The following KCNH5 variants were observed in gnomAD, a reference collection of about 807,000 sequenced individuals.
KCNH5 encodes voltage-gated delayed rectifier potassium channel KCNH5.
Under a neutral mutation model 96.1 loss-of-function variants are expected in KCNH5, and 46 were observed. The observed-to-expected ratio is 0.48, with a 90% CI of 0.38 to 0.61. The LOEUF (loss-of-function observed/expected upper bound fraction) is 0.61. Among genes scored for constraint, KCNH5 ranks in the 20% least tolerant of loss-of-function variants. KCNH5 has a pLI of 0.00. For synonymous variants in KCNH5, 439 were observed against 449.8 expected, an observed-to-expected ratio of 0.98 and a Z score of 0.30; for missense variants, 907 against 1,225.8, an observed-to-expected ratio of 0.74 and a Z score of 3.88.
intron 10 of KCNH5, among the ~76,000 whole-genome samples, chr14:62,723,855 T>A (rs949689167): frequency 6.6e-6 from 1 of 152,214 alleles, no homozygotes; most frequent in African/African-American, 2.4e-5. Context: ...AATGAGCATG[T>A]GTTCACCCAG....
chr14:62,780,368 C>T (rs1886184465), intron 9 of KCNH5, among the ~76,000 whole-genome samples: 2 of 152,106 alleles, frequency 1.3e-5, no homozygotes, highest in Admixed American at 1.3e-4. Context: ...ATTAAATACA[C>T]ATTATTCAGT....
At chr14:62,866,490 T>C (rs555238335) in intron 7 of KCNH5, among the ~76,000 whole-genome samples, 2 of 152,320 alleles carry the variant, frequency 1.3e-5, no homozygotes, top group Admixed American at 6.5e-5. Flanking sequence ...ATGTATGGAA[T>C]AAAGCCATAT....
At chr14:63,039,782 C>T (rs991660078) in intron 1 of KCNH5, among the ~76,000 whole-genome samples, 1 of 152,006 alleles carries the variant, frequency 6.6e-6, no homozygotes, top group Non-Finnish European at 1.5e-5. Flanking sequence ...ATAATACATA[C>T]CTTTTTTCAT....
chr14:63,016,182 A>G (rs1891323352), intron 2 of KCNH5, among the ~76,000 whole-genome samples: 1 of 151,890 alleles, frequency 6.6e-6, no homozygotes, highest in African/African-American at 2.4e-5. Context: ...TTACTGAAAT[A>G]TTGTGAAAAG....
At chr14:62,994,100 C>T (rs972190735) in intron 4 of KCNH5, among the ~76,000 whole-genome samples, 2 of 152,002 alleles carry the variant, frequency 1.3e-5, no homozygotes, top group Non-Finnish European at 2.9e-5. Context: ...GACTGCAACA[C>T]AAGATTCTAA....
chr14:62,955,743 C>T (rs779736909), intron 6 of KCNH5, among the ~76,000 whole-genome samples: 18 of 152,176 alleles, frequency 1.2e-4, no homozygotes, highest in Admixed American at 2.0e-4. Flanking sequence ...GCAATGGCCA[C>T]GCAGTAGGGG....
In KCNH5 at chr14:62,708,063, C is replaced by G. The variant is rs1329006014; in HGVS notation, c.2412G>C (p.Lys804Asn). ...CLKVNSPIRM[K>N]NGNGKGWLRL... ...GCAGCCACCCTTTTCCATTTCCATTCTTCATTCTTATTGGGCTGTTGACTT... is the reference window on the plus strand; with the variant it reads ...GCAGCCACCCTTTTCCATTTCCATTGTTCATTCTTATTGGGCTGTTGACTT... The change falls in exon 11 of 11, where the codon AAG becomes AAC. Residue 804 changes from lysine to asparagine, a missense_variant. By Grantham distance (94) the Lys-to-Asn change is moderately conservative. Coordinates refer to ENST00000322893, the MANE Select transcript of KCNH5 (RefSeq NM_139318.5). The G allele has an allele frequency of 6.2e-7, 1 of 1,614,192 alleles. No homozygotes were observed. The highest frequency in any genetic ancestry group is 2.2e-5 in the East Asian group (1 of 44,884).
chr14:63,003,533 AT>A (rs60104277), intron 3 of KCNH5, among the ~76,000 whole-genome samples: 1 of 112,328 alleles, frequency 8.9e-6, no homozygotes, highest in African/African-American at 3.6e-5. Flanking sequence ...TTTTATATAT[AT>A]TATATATTAT....
intron 7 of KCNH5, among the ~76,000 whole-genome samples, chr14:62,946,654 C>T (rs892370654): frequency 6.6e-6 from 1 of 151,826 alleles, no homozygotes; most frequent in Non-Finnish European, 1.5e-5. Context: ...TTGTAATAGC[C>T]AAAATCTGGA....
rs185853773 is a variant in KCNH5, at chr14:62,700,235, A to G, written c.*7273T>C. On this transcript the variant is annotated 3_prime_UTR_variant, in exon 11 of 11. Transcript: ENST00000322893. ...TGTTGTTTGAGTACCAAGCACTTCT[A>G]AAAGTCATTGCTCTTTCAACAAACT... is the stretch of plus-strand genomic sequence containing the variant. 6.6e-6 allele frequency: 1 copy of G among 152,332 alleles called. No individual in the cohort carries two copies. Among genetic ancestry groups the G allele is most frequent in the Non-Finnish European group, 1.5e-5 (1 of 68,034 alleles). The allele number at this position is 152,332 out of a possible 1,614,324, so 9.4% of individuals were successfully genotyped here.
intron 6 of KCNH5, 109 bp downstream of exon 6, chr14:62,980,763 T>A: frequency 8.5e-7 from 1 of 1,177,200 alleles, no homozygotes; most frequent in Admixed American, 2.6e-5. Flanking sequence ...TCAAGAAAGT[T>A]GAAAGTGGTG....
chr14:62,752,914 C>A (rs891021221), intron 10 of KCNH5, among the ~76,000 whole-genome samples: 2 of 152,182 alleles, frequency 1.3e-5, no homozygotes, highest in African/African-American at 4.8e-5. Context: ...AAATAAACCT[C>A]TTTTGTTTAT....
intron 6 of KCNH5, among the ~76,000 whole-genome samples, chr14:62,953,765 G>A (rs925173552): frequency 6.6e-6 from 1 of 152,018 alleles, no homozygotes; most frequent in African/African-American, 2.4e-5. Flanking sequence ...AGACATGTTT[G>A]GTCATGATTT....
At chr14:62,846,695 G>A (rs1026728098) in intron 8 of KCNH5, among the ~76,000 whole-genome samples, 1 of 149,220 alleles carries the variant, frequency 6.7e-6, no homozygotes, top group African/African-American at 2.5e-5. Flanking sequence ...ATCTAGTTCT[G>A]AGATATCTAT....
intron 10 of KCNH5, among the ~76,000 whole-genome samples, chr14:62,709,021 G>A (rs1273820340): frequency 1.3e-5 from 2 of 151,618 alleles, no homozygotes; most frequent in Non-Finnish European, 2.9e-5. Context: ...CGAGGCGGGC[G>A]GACCACGAGG....
Position 62,884,507 on chromosome 14 carries a change from T to G in KCNH5, c.1370-34655A>C, listed in dbSNP as rs115515419. 2.6e-3 allele frequency among the ~76,000 whole-genome samples: 403 copies of G among 152,216 alleles called. 3 individuals carry two copies. Among genetic ancestry groups the G allele is most frequent in the African/African-American group, 9.5e-3 (394 of 41,532 alleles). On this transcript the variant is annotated intron_variant, in intron 7 of 10. Coordinates refer to ENST00000322893, the MANE Select transcript of KCNH5 (RefSeq NM_139318.5). ...CAGGTGTGGCAGTATGCGCCTGTCA[T>G]CTCAGCAACTTGAGAGGCTGAGGCA... is the stretch of plus-strand genomic sequence containing the variant.
intron 6 of KCNH5, among the ~76,000 whole-genome samples, chr14:62,961,007 T>C (rs556754827): frequency 6.6e-6 from 1 of 152,312 alleles, no homozygotes; most frequent in Admixed American, 6.5e-5. Flanking sequence ...TAGAAAAGAC[T>C]TTCATTTTCA....
intron 7 of KCNH5, among the ~76,000 whole-genome samples, chr14:62,883,408 C>T (rs1888531547): frequency 6.6e-6 from 1 of 152,102 alleles, no homozygotes; most frequent in East Asian, 1.9e-4. Flanking sequence ...TTATGATTAA[C>T]TAGGGACGAC....
Position 62,971,490 on chromosome 14 carries a change from G to A in KCNH5, c.942+9382C>T, listed in dbSNP as rs1261011215. ...TAAGAACCTAGCAGGTTATTTTGTT[G>A]ATACAAGTAGACTGATTCTAAAGCT... On this transcript the variant is annotated intron_variant, in intron 6 of 10. Coordinates refer to ENST00000322893, the MANE Select transcript of KCNH5 (RefSeq NM_139318.5). 2.0e-5 allele frequency among the ~76,000 whole-genome samples: 3 copies of A among 152,022 alleles called. No homozygotes were observed. The East Asian group carries it at 5.8e-4, about 29-fold the overall frequency.
Sources: gnomAD v4.1 joint callset for allele counts (sites outside exome capture counted in the v4.1 genomes callset) on GRCh38, gnomAD v4.1.1 for gene constraint, MANE v1.5 for transcripts, NCBI Gene and HGNC (gene_info 2026-07-23, HGNC 2026-07-21) for gene names.